Variants in PINX1 observed in about 807,000 individuals in gnomAD.
PINX1 encodes PIN2/TERF1-interacting telomerase inhibitor 1.
PINX1 carries 34 observed loss-of-function variants against 25.4 expected under a neutral mutation model. The observed-to-expected ratio is 1.34, with a 90% CI of 1.02 to 1.78. The LOEUF (loss-of-function observed/expected upper bound fraction) is 1.78, where lower values mean the gene tolerates loss of function less well. Ranked by LOEUF, PINX1 falls within the 40% of genes most tolerant of loss-of-function variation. The probability of loss-of-function intolerance (pLI) is 0.00; values close to 1 mark genes in which losing one functional copy is unlikely to be tolerated. For missense variants in PINX1, 592 were observed against 404.9 expected (o/e 1.46, Z -3.97); for synonymous variants, 197 against 147.7 (o/e 1.33, Z -2.42).
chr8:10,833,318 T>A (rs1022916710), intron 2 of PINX1, among the ~76,000 whole-genome samples: 2 of 152,216 alleles, frequency 1.3e-5, no homozygotes, highest in East Asian at 1.9e-4. Context: ...AGATCTCACA[T>A]AACCTACGGG....
At position 10,839,854 on chromosome 8, in the gene PINX1, T is replaced by C. The variant is rs1237048614; in HGVS notation, c.-98A>G. 1 of 1,217,020 alleles carries C rather than the reference T, an allele frequency of 8.2e-7. No homozygotes were observed. The highest frequency in any genetic ancestry group is 1.2e-6 in the Non-Finnish European group (1 of 866,728). 75.4% of individuals were successfully genotyped at this position (1,217,020 alleles called of 1,614,324 possible). On this transcript the variant is annotated 5_prime_UTR_variant, in exon 1 of 7. Transcript: ENST00000314787. The stretch of plus-strand genomic sequence containing the variant: ...GAGAATCAGGACGTGCGTAACTCCC[T>C]CGCCGGCGGACTGCAGCGGACGGGG...
intron 6 of PINX1, among the ~76,000 whole-genome samples, chr8:10,796,762 A>C (rs1257832883): frequency 6.6e-6 from 1 of 152,116 alleles, no homozygotes; most frequent in Non-Finnish European, 1.5e-5. Context: ...CAGTCAAAAA[A>C]GTAACATTAA....
chr8:10,794,769 T>TA (rs1398039199), intron 6 of PINX1, among the ~76,000 whole-genome samples: 1 of 152,174 alleles, frequency 6.6e-6, no homozygotes, highest in Non-Finnish European at 1.5e-5. Context: ...GCGTTCAAAT[T>TA]AGACTTTTAC....
At chr8:10,835,353 C>G (rs1267788225) in intron 1 of PINX1, among the ~76,000 whole-genome samples, 1 of 152,156 alleles carries the variant, frequency 6.6e-6, no homozygotes, top group African/African-American at 2.4e-5. Context: ...AGAAATTTGC[C>G]GAACATCCCC....
intron 6 of PINX1, among the ~76,000 whole-genome samples, chr8:10,816,036 G>A (rs1797687181): frequency 6.6e-6 from 1 of 152,156 alleles, no homozygotes; most frequent in Admixed American, 6.5e-5. Flanking sequence ...GATTCTGTCG[G>A]CAGCTGTGAT....
chr8:10,789,929 A>C lies in PINX1; in HGVS notation c.472-24013T>G, dbSNP rs552764269. On this transcript the variant is annotated intron_variant, in intron 6 of 6. Coordinates refer to ENST00000314787, the MANE Select transcript of PINX1 (RefSeq NM_017884.6). ...GGACAGGTACTGCTTTTATAATTTAAAAATATTTGAAATTAAAAACTCACA... is the reference window on the plus strand; with the variant it reads ...GGACAGGTACTGCTTTTATAATTTACAAATATTTGAAATTAAAAACTCACA... 4.6e-5 allele frequency among the ~76,000 whole-genome samples: 7 copies of C among 152,262 alleles called. No homozygotes were observed. In the East Asian group the frequency reaches 1.4e-3, roughly 29 times the overall value.
In PINX1 at chr8:10,834,435, G is replaced by C. The variant is rs965109931; in HGVS notation, c.129+231C>G. The C allele has an allele frequency of 2.4e-5, 13 of 542,602 alleles. No homozygotes were observed. The African/African-American group carries it at 2.5e-4, about 10-fold the overall frequency. 33.6% of individuals were successfully genotyped at this position (542,602 alleles called of 1,614,324 possible). The stretch of plus-strand genomic sequence containing the variant: ...GGAAAGGGAAAAAGCGTGTAGCCTA[G>C]TTGCAATGTCTATGAAAGATGCTAA... On this transcript the variant is annotated intron_variant, in intron 2 of 6. Transcript: ENST00000314787.
At chr8:10,834,007 G>A (rs891756112) in intron 2 of PINX1, among the ~76,000 whole-genome samples, 1 of 152,150 alleles carries the variant, frequency 6.6e-6, no homozygotes, top group African/African-American at 2.4e-5. Context: ...GACAGAACTG[G>A]ACTCAATATA....
intron 6 of PINX1, among the ~76,000 whole-genome samples, chr8:10,812,578 C>T (rs998084290): frequency 6.6e-6 from 1 of 152,202 alleles, no homozygotes; most frequent in Admixed American, 6.5e-5. Context: ...AGTGCTAGTT[C>T]TTCCTTTGTC....
intron 6 of PINX1, among the ~76,000 whole-genome samples, chr8:10,792,918 C>A (rs1422763193): frequency 3.3e-5 from 5 of 152,124 alleles, no homozygotes; most frequent in Admixed American, 2.6e-4. Context: ...CTCTCCCAGT[C>A]AAGCAGCTTT....
chr8:10,839,715 G>T, intron 1 of PINX1, 23 bp downstream of exon 1: 1 of 1,599,188 alleles, frequency 6.3e-7, no homozygotes, highest in African/African-American at 1.3e-5. Flanking sequence ...CGCCTGGGTC[G>T]GGCCTCCGCT....
chr8:10,784,325 A>C (rs1297572372), intron 6 of PINX1, among the ~76,000 whole-genome samples: 6 of 152,248 alleles, frequency 3.9e-5, no homozygotes, highest in Admixed American at 6.5e-5. Context: ...TTAGGATCAC[A>C]AAGTAAGCAG....
intron 6 of PINX1, among the ~76,000 whole-genome samples, chr8:10,796,061 G>A (rs1167508596): frequency 8.5e-5 from 13 of 152,192 alleles, no homozygotes; most frequent in Admixed American, 7.2e-4. Context: ...GCCAAGTGGT[G>A]AAAGAGCTTA....
intron 6 of PINX1, among the ~76,000 whole-genome samples, chr8:10,786,029 A>G (rs904079584): frequency 6.6e-6 from 1 of 152,226 alleles, no homozygotes; most frequent in Non-Finnish European, 1.5e-5. Flanking sequence ...GGTGAGTAAA[A>G]GGGAGGCAGT....
At chr8:10,790,149 A>G (rs1304654397) in intron 6 of PINX1, among the ~76,000 whole-genome samples, 1 of 151,874 alleles carries the variant, frequency 6.6e-6, no homozygotes, top group African/African-American at 2.4e-5. Context: ...GAAGGTCCCC[A>G]TGCTTCTCTC....
Position 10,765,767 on chromosome 8 carries a change from C to T in PINX1, c.621G>A (p.Val207=), listed in dbSNP as rs1233844592. ...VPGSDISETQ[V]ERKRGKKRNK... is the part of the protein sequence containing the mutation. ...TTCTTTTCTTCCCCCTTTTACGTTCCACCTGCGTCTCAGAAATGTCAGACC... is the reference window on the plus strand; with the variant it reads ...TTCTTTTCTTCCCCCTTTTACGTTCTACCTGCGTCTCAGAAATGTCAGACC... The change falls in exon 7 of 7, where the codon GTG becomes GTA. Residue 207 remains valine, a synonymous_variant. Transcript: ENST00000314787. The T allele has an allele frequency of 6.2e-7, 1 of 1,613,938 alleles. No individual in the cohort carries two copies. The highest frequency in any genetic ancestry group is 8.5e-7 in the Non-Finnish European group (1 of 1,179,904).
intron 4 of PINX1, among the ~76,000 whole-genome samples, 171 bp downstream of exon 4, chr8:10,831,494 G>A (rs762460636): frequency 5.3e-5 from 8 of 152,110 alleles, no homozygotes; most frequent in East Asian, 1.9e-4. Flanking sequence ...TGCTAATTAC[G>A]TTGATGAACA....
In PINX1 at chr8:10,834,687, C is replaced by G. The variant is rs751716441; in HGVS notation, c.108G>C (p.Lys36Asn). ...DSKFGQRMLE[K>N]MGWSKGKGLG... ...ATACCTTTCCTTTAGACCACCCCAT[C>G]TTCTCTAGCATCCGCTGGCCAAACT... Residue 36 changes from lysine to asparagine, a missense_variant, in exon 2 of 7, where the codon AAG becomes AAC. By Grantham distance (94) the Lys-to-Asn change is moderately conservative. Transcript: ENST00000314787. 10 of 1,613,758 alleles carry G rather than the reference C, an allele frequency of 6.2e-6. No homozygotes were observed. Among genetic ancestry groups the G allele is most frequent in the Non-Finnish European group, 8.5e-6 (10 of 1,179,770 alleles).
chr8:10,831,024 A>C (rs568129702), intron 4 of PINX1, among the ~76,000 whole-genome samples: 1 of 152,378 alleles, frequency 6.6e-6, no homozygotes, highest in East Asian at 1.9e-4. Flanking sequence ...TATTCACAAC[A>C]GCCAAGATAT....
Sources: allele counts gnomAD v4.1 joint callset (sites outside exome capture counted in the v4.1 genomes callset), GRCh38; gene constraint gnomAD v4.1.1; transcripts MANE v1.5; gene names NCBI Gene and HGNC (gene_info 2026-07-23, HGNC 2026-07-21).